PARP9: variants seen among roughly 807,000 people sequenced by gnomAD.
The protein encoded by PARP9 is protein mono-ADP-ribosyltransferase PARP9.
PARP9 carries 48 observed loss-of-function variants against 68.8 expected under a neutral mutation model. The ratio of observed to expected loss-of-function variants is 0.70; its 90% confidence interval spans 0.55 to 0.89. The LOEUF (loss-of-function observed/expected upper bound fraction) is 0.89, where lower values mean the gene tolerates loss of function less well. PARP9 is among the 40% of genes least tolerant of loss of function. PARP9 has a pLI of 0.00. For missense variants in PARP9, 806 were observed against 969.3 expected (o/e 0.83, Z 2.24); for synonymous variants, 309 against 333.8 (o/e 0.93, Z 0.81).
Position 122,556,118 on chromosome 3 carries a change from G to T in PARP9, c.53C>A (p.Thr18Asn). 1 of 442,940 alleles carries T rather than the reference G, an allele frequency of 2.3e-6. No homozygotes were observed. Among genetic ancestry groups the T allele is most frequent in the Non-Finnish European group, 3.8e-6 (1 of 261,532 alleles). 27.4% of individuals were successfully genotyped at this position (442,940 alleles called of 1,614,324 possible). A position where few individuals can be genotyped will look rare whatever the true frequency, so the allele number is the denominator to read the frequency against. Residue 18 changes from threonine (T) to asparagine (N), a missense_variant, in exon 4 of 11, where the codon ACT (threonine) becomes AAT (asparagine). Physicochemically the swap from Thr to Asn is moderately conservative, Grantham distance 65. This residue lies in a region of PARP9 where 126 missense variants were observed against 110.5 expected (regional missense o/e 1.14). Transcript: ENST00000682323. ...ACTATAGTTTTCTCCAAGAGCACCAGTCTCTGGAAAAGAAGAGAAGATTAA... is the reference window on the plus strand; with the variant it reads ...ACTATAGTTTTCTCCAAGAGCACCATTCTCTGGAAAAGAAGAGAAGATTAA... Reference protein sequence around the residue: ...GAAAYNEKSETGALGENYSWQ... With the variant: ...GAAAYNEKSENGALGENYSWQ...
In PARP9 at chr3:122,559,664, G is replaced by T. The variant is rs750800245; in HGVS notation, c.-44C>A. 4 of 1,557,236 alleles carry T rather than the reference G, an allele frequency of 2.6e-6. No homozygotes were observed. Among genetic ancestry groups the T allele is most frequent in the Non-Finnish European group, 3.5e-6 (4 of 1,153,206 alleles). ...AGTCTTTAAATGTTTATTCCCTTTT[G>T]CGCTTCAAAGCATAGACTGTAGTTT... On this transcript the variant is annotated 5_prime_UTR_variant, in exon 2 of 11. Transcript: ENST00000682323.
chr3:122,550,454 A>G (rs1202122104), intron 6 of PARP9, 130 bp downstream of exon 6: 2 of 740,306 alleles, frequency 2.7e-6, no homozygotes, highest in Non-Finnish European at 4.4e-6. Context: ...TCACCAAGTT[A>G]GAACACCACC....
chr3:122,563,292 C>T (rs905881520), intron 1 of PARP9, among the ~76,000 whole-genome samples: 1 of 152,134 alleles, frequency 6.6e-6, no homozygotes, highest in Admixed American at 6.5e-5. Context: ...ACTGAGGCTA[C>T]ATGTGGCCAG....
intron 2 of PARP9, 102 bp from the exon 3 acceptor site, chr3:122,558,569 G>C (rs981061745): frequency 7.2e-7 from 1 of 1,397,480 alleles, no homozygotes; most frequent in Non-Finnish European, 9.8e-7. Context: ...TGGAAATCCT[G>C]CTCAAAGCAC....
intron 2 of PARP9, among the ~76,000 whole-genome samples, chr3:122,559,367 G>A (rs995223994): frequency 2.0e-5 from 3 of 152,188 alleles, no homozygotes; most frequent in Admixed American, 6.5e-5. Context: ...CACTAAATGA[G>A]CTGAGAATTA....
intron 10 of PARP9, chr3:122,532,106 C>A: frequency 1.0e-6 from 1 of 977,760 alleles, no homozygotes; most frequent in Non-Finnish European, 1.2e-6. Context: ...CCAGCTTCAT[C>A]ACCTGAGTGG....
intron 6 of PARP9, among the ~76,000 whole-genome samples, chr3:122,548,859 C>A (rs1199022019): frequency 3.9e-5 from 6 of 152,130 alleles, no homozygotes; most frequent in Admixed American, 3.9e-4. Context: ...GCCAGGCATA[C>A]CACTGCTGTT....
At chr3:122,548,325 A>G (rs528723315) in intron 6 of PARP9, among the ~76,000 whole-genome samples, 7 of 152,340 alleles carry the variant, frequency 4.6e-5, no homozygotes, top group East Asian at 3.9e-4. Flanking sequence ...TGGGAATATG[A>G]GCAGTCAGAG....
intron 7 of PARP9, 61 bp from the exon 8 acceptor site, chr3:122,540,913 T>G (rs990664911): frequency 1.3e-5 from 19 of 1,490,530 alleles, no homozygotes; most frequent in Non-Finnish European, 1.6e-5. Flanking sequence ...TTTTTTGAGA[T>G]GGAGTCTCGC....
At chr3:122,541,628 A>G (rs1290911096) in intron 7 of PARP9, among the ~76,000 whole-genome samples, 1 of 152,252 alleles carries the variant, frequency 6.6e-6, no homozygotes, top group African/African-American at 2.4e-5. Flanking sequence ...ATTATTTAAA[A>G]ATTGGGAAAT....
intron 6 of PARP9, among the ~76,000 whole-genome samples, chr3:122,549,830 T>A (rs1559851554): frequency 6.6e-6 from 1 of 151,670 alleles, no homozygotes; most frequent in African/African-American, 2.4e-5. Context: ...TTGCCTTAAA[T>A]ACACTGGATT....
chr3:122,535,178 T>C, intron 10 of PARP9: 1 of 985,388 alleles, frequency 1.0e-6, no homozygotes, highest in South Asian at 4.7e-5. Context: ...AATTATAGAT[T>C]TTTTAAGACT....
At chr3:122,529,016 G>A (rs1449680184) in intron 10 of PARP9, among the ~76,000 whole-genome samples, 1 of 151,912 alleles carries the variant, frequency 6.6e-6, no homozygotes, top group African/African-American at 2.4e-5. Flanking sequence ...GGGAGGCTGA[G>A]GCGGGTGGAA....
intron 6 of PARP9, among the ~76,000 whole-genome samples, chr3:122,549,017 A>AT (rs34551808): frequency 0.36 from 52,997 of 145,464 alleles, 10,089 homozygotes; most frequent in Middle Eastern, 0.5. Context: ...GTATTAACTC[A>AT]TTTTTTTTTT....
intron 10 of PARP9, among the ~76,000 whole-genome samples, chr3:122,531,064 G>T (rs1430186597): frequency 6.6e-6 from 1 of 152,168 alleles, no homozygotes; most frequent in Admixed American, 6.5e-5. Flanking sequence ...AAAAGTATTA[G>T]ATATTTTACA....
chr3:122,561,118 T>TCAG (rs2080167944), intron 1 of PARP9, among the ~76,000 whole-genome samples: 1 of 152,202 alleles, frequency 6.6e-6, no homozygotes, highest in African/African-American at 2.4e-5. Context: ...ACCTGCCCAC[T>TCAG]CAGCCTACTA....
In PARP9 at chr3:122,552,499, C is replaced by G. The variant is rs1268086981; in HGVS notation, c.1026G>C (p.Leu342Phe). 1 of 1,614,022 alleles carries G rather than the reference C, an allele frequency of 6.2e-7. No individual in the cohort carries two copies. The highest frequency in any genetic ancestry group is 2.2e-5 in the East Asian group (1 of 44,868). The change falls in exon 5 of 11, where the codon TTG becomes TTC. Residue 342 changes from leucine to phenylalanine, a missense_variant. Transcript: ENST00000682323. ...TKAKQFQRSQ[L>F]VLVTKGFNLF... ...AGTTAAATCCTTTTGTGACCAGTAC[C>G]AACTGGGACCGTTGAAACTGTTTAG...
intron 1 of PARP9, among the ~76,000 whole-genome samples, chr3:122,563,678 T>G (rs1341180894): frequency 6.6e-6 from 1 of 152,020 alleles, no homozygotes; most frequent in East Asian, 1.9e-4. Context: ...ACCACAGTGG[T>G]CCCTAAGCCT....
At chr3:122,545,065 GT>G (rs2078592405) in intron 7 of PARP9, among the ~76,000 whole-genome samples, 1 of 152,058 alleles carries the variant, frequency 6.6e-6, no homozygotes, top group South Asian at 2.1e-4. Context: ...ACTGAGATGT[GT>G]TTTCCATAAT....
Sources: allele counts gnomAD v4.1 joint callset (sites outside exome capture counted in the v4.1 genomes callset), GRCh38; gene constraint gnomAD v4.1.1; regional missense constraint gnomAD v4.1.1; transcripts MANE v1.5; gene names NCBI Gene and HGNC (gene_info 2026-07-23, HGNC 2026-07-21).